The following CNGA4 variants were observed in gnomAD, a reference collection of about 807,000 sequenced individuals.
The protein encoded by CNGA4 is cyclic nucleotide-gated channel alpha-4.
Under a neutral mutation model 45.6 loss-of-function variants are expected in CNGA4, and 32 were observed. That is an observed-to-expected ratio of 0.70 (90% confidence interval 0.53 to 0.94). The LOEUF is 0.94. Among genes scored for constraint, CNGA4 ranks in the 40% least tolerant of loss-of-function variants. CNGA4 has a pLI of 0.00. For synonymous variants in CNGA4, 293 were observed against 304.6 expected (o/e 0.96, Z 0.40); for missense variants, 726 against 755.1 (o/e 0.96, Z 0.45).
In CNGA4 at chr11:6,240,916, C is replaced by G. The variant is rs1847909461; in HGVS notation, c.917+205C>G. On this transcript the variant is annotated intron_variant, in intron 4 of 5. Coordinates refer to ENST00000379936, the MANE Select transcript of CNGA4 (RefSeq NM_001037329.4). The surrounding 1 kb of genome is among the most constrained non-coding windows in gnomAD (Gnocchi z 4.9). ...ACTTGGGGGAGGGGTAGGTAAGAGA[C>G]TGATAGGGAGAGGAGCTCATACTCA... Among the ~76,000 whole-genome samples the G allele has an allele frequency of 1.3e-5, 2 of 152,034 alleles. No homozygotes were observed. Among genetic ancestry groups the G allele is most frequent in the South Asian group, 4.2e-4 (2 of 4,816 alleles).
rs1361008336 is a variant in CNGA4, at chr11:6,244,459, A to G, written c.*50A>G. 3 of 1,512,842 alleles carry G rather than the reference A, an allele frequency of 2.0e-6. No individual in the cohort carries two copies. The highest frequency in any genetic ancestry group is 9.0e-7 in the Non-Finnish European group (1 of 1,116,836). The allele number at this position is 1,512,842 out of a possible 1,614,324, so 93.7% of individuals were successfully genotyped here. A position where few individuals can be genotyped will look rare whatever the true frequency, so the allele number is the denominator to read the frequency against. On this transcript the variant is annotated 3_prime_UTR_variant, in exon 6 of 6. Coordinates refer to ENST00000379936, the MANE Select transcript of CNGA4 (RefSeq NM_001037329.4). This position sits in a 1 kb window ranked among gnomAD's most constrained non-coding sequence, Gnocchi z 4.5. ...CACCTCCTAGTGAATCCAGAGTTGT[A>G]GTAAAGCCTAACTGCTGCAACTCTG...
Position 6,239,233 on chromosome 11 carries a change from AAC to A in CNGA4, c.29_30del (p.Thr10ArgfsTer38). The A allele has an allele frequency of 6.2e-7, 1 of 1,614,052 alleles. No individual in the cohort carries two copies. Among genetic ancestry groups the A allele is most frequent in the Non-Finnish European group, 8.5e-7 (1 of 1,180,002 alleles). Reference protein sequence around the residue: MSQDTKVKTTESSPPAPSKA... With the variant: MSQDTKVKTXESSPPAPSKA... The stretch of plus-strand genomic sequence containing the variant: ...TGAGCCAGGACACCAAAGTGAAGAC[AAC>A]AGAGTCCAGTCCCCCAGCCCCATCC... On this transcript the variant is annotated frameshift_variant, in exon 1 of 6. Coordinates refer to ENST00000379936, the MANE Select transcript of CNGA4 (RefSeq NM_001037329.4). LOFTEE classifies it high-confidence loss of function.
chr11:6,240,676 C>A lies in CNGA4; in HGVS notation c.882C>A (p.His294Gln), dbSNP rs749125215. Residue 294 changes from histidine to glutamine, a missense_variant, in exon 4 of 6, where the codon CAC becomes CAA. Physicochemically the swap from His to Gln is conservative, Grantham distance 24. Coordinates refer to ENST00000379936, the MANE Select transcript of CNGA4 (RefSeq NM_001037329.4). The surrounding 1 kb of genome is among the most constrained non-coding windows in gnomAD (Gnocchi z 4.9). ...ALVKKYMKLQ[H>Q]VNRKLERRVI... The stretch of plus-strand genomic sequence containing the variant: ...TGAAGAAGTACATGAAGCTGCAGCA[C>A]GTCAACCGCAAGCTGGAGCGGCGAG... The A allele has an allele frequency of 2.5e-6, 4 of 1,613,584 alleles. No homozygotes were observed. In the African/African-American group the frequency reaches 5.3e-5, roughly 22 times the overall value.
chr11:6,239,913 G>C, intron 3 of CNGA4, 123 bp downstream of exon 3: 2 of 1,323,050 alleles, frequency 1.5e-6, no homozygotes, highest in Non-Finnish European at 2.1e-6. Flanking sequence ...ATGCCTGACA[G>C]CATCCCAGTG....
intron 2 of CNGA4, 50 bp from the exon 3 acceptor site, chr11:6,239,634 C>T (rs766591273): frequency 1.1e-5 from 18 of 1,587,440 alleles, no homozygotes; most frequent in Non-Finnish European, 1.6e-5. Flanking sequence ...GGAGACGCCT[C>T]GCACACAGAG....
chr11:6,241,754 G>C lies in CNGA4; in HGVS notation c.1241G>C (p.Gly414Ala). The stretch of plus-strand genomic sequence containing the variant: ...GTGCTCGGTGCAGGGCTCTACTTTG[G>C]GGAGATCAGCATCATCAACATCAAA... Reference protein sequence around the residue: ...YAVLGAGLYFGEISIINIKGN... With the variant: ...YAVLGAGLYFAEISIINIKGN... The change falls in exon 5 of 6, where the codon GGG becomes GCG. Residue 414 changes from glycine to alanine, a missense_variant. Transcript: ENST00000379936. The C allele has an allele frequency of 6.2e-7, 1 of 1,614,156 alleles. No individual in the cohort carries two copies. Among genetic ancestry groups the C allele is most frequent in the Non-Finnish European group, 8.5e-7 (1 of 1,180,022 alleles).
chr11:6,243,159 C>T (rs1044874696), intron 5 of CNGA4, among the ~76,000 whole-genome samples: 1 of 152,192 alleles, frequency 6.6e-6, no homozygotes. Flanking sequence ...TTGTCCCCCT[C>T]CTCCCCCTAG....
rs60883768 is a variant in CNGA4 at position 6,240,263 on chromosome 11, A to G, written c.469A>G (p.Thr157Ala). ...CCGCCTCTTCGAGGCCTTCGACCGC[A>G]CAGAGACCCGCACAGCTTACCCAAA... Reference protein sequence around the residue: ...APRLFEAFDRTETRTAYPNAF... With the variant: ...APRLFEAFDRAETRTAYPNAF... Residue 157 changes from threonine to alanine, a missense_variant, in exon 4 of 6, where the codon ACA (threonine) becomes GCA (alanine). Physicochemically the swap from Thr to Ala is moderately conservative, Grantham distance 58. Transcript: ENST00000379936. The surrounding 1 kb of genome is among the most constrained non-coding windows in gnomAD (Gnocchi z 4.9). 12,988 of 1,614,204 alleles carry G rather than the reference A, an allele frequency of 8.0e-3. 193 individuals carry two copies. The highest frequency in any genetic ancestry group is 0.062 in the African/African-American group (4,628 of 75,056).
rs373497401 is a variant in CNGA4 at position 6,241,505 on chromosome 11, G to A, written c.992G>A (p.Arg331Gln). 25 of 1,613,488 alleles carry A rather than the reference G, an allele frequency of 1.5e-5. No individual in the cohort carries two copies. The highest frequency in any genetic ancestry group is 6.6e-5 in the South Asian group (6 of 91,046). ...AILQHLPERL[R>Q]AEVAVSVHLS... The stretch of plus-strand genomic sequence containing the variant: ...TTACAGCACTTGCCTGAGCGGCTGC[G>A]GGCAGAAGTGGCTGTGTCTGTGCAC... The change falls in exon 5 of 6, where the codon CGG becomes CAG. Residue 331 changes from arginine to glutamine, a missense_variant. By Grantham distance (43) the Arg-to-Gln change is conservative. Coordinates refer to ENST00000379936, the MANE Select transcript of CNGA4 (RefSeq NM_001037329.4).
upstream of CNGA4, among the ~76,000 whole-genome samples, chr11:6,236,098 C>T (rs1023731035): frequency 3.3e-5 from 5 of 151,936 alleles, no homozygotes; most frequent in Admixed American, 3.3e-4. Context: ...TTCTGTAAGC[C>T]TAAAATTAGT....
Position 6,239,360 on chromosome 11 carries a change from G to C in CNGA4, c.63-24G>C, listed in dbSNP as rs774352532. ...AGCTTTGAATGCCTGGTGAATAAAT[G>C]AAGCAAGACTTTCTTTCTTACAGGA... On this transcript the variant is annotated intron_variant, in intron 1 of 5. Coordinates refer to ENST00000379936, the MANE Select transcript of CNGA4 (RefSeq NM_001037329.4). 6.8e-6 allele frequency: 11 copies of C among 1,613,112 alleles called. No individual in the cohort carries two copies. The Admixed American group carries it at 1.8e-4, about 27-fold the overall frequency.
At chr11:6,235,583 C>A (rs1039837294), upstream of CNGA4, 4 of 962,524 alleles carry the variant, frequency 4.2e-6, no homozygotes, top group African/African-American at 1.8e-5. Flanking sequence ...TCTTGGGAAA[C>A]AAGCAAGAGT....
intron 5 of CNGA4, among the ~76,000 whole-genome samples, chr11:6,243,342 T>A (rs1032321486): frequency 6.6e-6 from 1 of 152,130 alleles, no homozygotes; most frequent in African/African-American, 2.4e-5. Flanking sequence ...TCAAGAAGCT[T>A]ATAATTGTGG....
rs751961985 is a variant in CNGA4 at position 6,239,433 on chromosome 11, C to A, written c.112C>A (p.Leu38Met). 4 of 1,614,228 alleles carry A rather than the reference C, an allele frequency of 2.5e-6. No individual in the cohort carries two copies. The highest frequency in any genetic ancestry group is 3.4e-6 in the Non-Finnish European group (4 of 1,180,032). Residue 38 changes from leucine (L) to methionine (M), a missense_variant, in exon 2 of 6, where the codon CTG becomes ATG. Leu to Met is a conservative substitution (Grantham distance 15, BLOSUM62 2). Coordinates refer to ENST00000379936, the MANE Select transcript of CNGA4 (RefSeq NM_001037329.4). The part of the protein sequence containing the change: ...DPSGDYYYWW[L>M]NTMVFPVMYN... ...ATCTGGGGATTACTACTACTGGTGG[C>A]TGAACACAATGGTCTTCCCAGTCAT...
Position 6,241,515 on chromosome 11 carries a change from G to A in CNGA4, c.1002G>A (p.Val334=). Residue 334 remains valine, a synonymous_variant, in exon 5 of 6, where the codon GTG becomes GTA. Coordinates refer to ENST00000379936, the MANE Select transcript of CNGA4 (RefSeq NM_001037329.4). ...TGCCTGAGCGGCTGCGGGCAGAAGT[G>A]GCTGTGTCTGTGCACCTGTCCACTC... ...QHLPERLRAE[V]AVSVHLSTLS... is the part of the protein sequence containing the mutation. 1.2e-6 allele frequency: 2 copies of A among 1,613,834 alleles called. No individual in the cohort carries two copies. Among genetic ancestry groups the A allele is most frequent in the Non-Finnish European group, 1.7e-6 (2 of 1,179,736 alleles).
chr11:6,239,449 TC>T lies in CNGA4; in HGVS notation c.131del (p.Pro44GlnfsTer39). On this transcript the variant is annotated frameshift_variant, in exon 2 of 6. Transcript: ENST00000379936. LOFTEE classifies it high-confidence loss of function. ...TACTGGTGGCTGAACACAATGGTCT[TC>T]CCAGTCATGTATAACCTCATCATCC... ...YYYWWLNTMV[F>X]PVMYNLIILV... 1 of 1,614,186 alleles carries T rather than the reference TC, an allele frequency of 6.2e-7. No homozygotes were observed. The highest frequency in any genetic ancestry group is 8.5e-7 in the Non-Finnish European group (1 of 1,180,030).
At position 6,240,934 on chromosome 11, in the gene CNGA4, C is replaced by T. The variant is rs1387142612; in HGVS notation, c.917+223C>T. Among the ~76,000 whole-genome samples, 1 of 152,132 alleles carries T rather than the reference C, an allele frequency of 6.6e-6. No individual in the cohort carries two copies. Among genetic ancestry groups the T allele is most frequent in the East Asian group, 1.9e-4 (1 of 5,184 alleles). On this transcript the variant is annotated intron_variant, in intron 4 of 5. Coordinates refer to ENST00000379936, the MANE Select transcript of CNGA4 (RefSeq NM_001037329.4). This position sits in a 1 kb window ranked among gnomAD's most constrained non-coding sequence, Gnocchi z 4.9. ...TAAGAGACTGATAGGGAGAGGAGCT[C>T]ATACTCAAAAAAGGATAATATGGAG... is the stretch of plus-strand genomic sequence containing the variant.
chr11:6,240,592 C>G lies in CNGA4; in HGVS notation c.798C>G (p.Ser266Arg). The change falls in exon 4 of 6, where the codon AGC (serine) becomes AGG (arginine). Residue 266 changes from serine (S) to arginine (R), a missense_variant. Physicochemically the swap from Ser to Arg is moderately radical, Grantham distance 110. Coordinates refer to ENST00000379936, the MANE Select transcript of CNGA4 (RefSeq NM_001037329.4). The surrounding 1 kb of genome is among the most constrained non-coding windows in gnomAD (Gnocchi z 4.9). ...MGFATIMGSM[S>R]SVIYNMNTAD... Reference sequence around the variant, plus strand: ...TCGCCACCATCATGGGTAGCATGAGCTCTGTCATCTACAACATGAACACTG... The same window carrying G: ...TCGCCACCATCATGGGTAGCATGAGGTCTGTCATCTACAACATGAACACTG... 6.2e-7 allele frequency: 1 copy of G among 1,614,232 alleles called. No individual in the cohort carries two copies. Among genetic ancestry groups the G allele is most frequent in the Non-Finnish European group, 8.5e-7 (1 of 1,180,044 alleles).
upstream of CNGA4, among the ~76,000 whole-genome samples, chr11:6,236,137 G>T (rs1564875408): frequency 6.6e-6 from 1 of 152,094 alleles, no homozygotes; most frequent in Non-Finnish European, 1.5e-5. Context: ...AAAAGAAATA[G>T]AAGTTTCAGA....
Sources: allele counts gnomAD v4.1 joint callset (sites outside exome capture counted in the v4.1 genomes callset), GRCh38; gene constraint gnomAD v4.1.1; non-coding constraint Gnocchi (gnomAD v3.1); transcripts MANE v1.5; gene names NCBI Gene and HGNC (gene_info 2026-07-23, HGNC 2026-07-21).